DMXL2: variants seen among roughly 807,000 people sequenced by gnomAD.
DMXL2 encodes Dmx like 2, also known as dmX-like protein 2.
DMXL2 carries 103 observed loss-of-function variants against 331.1 expected under a neutral mutation model. That is an observed-to-expected ratio of 0.31 (90% CI 0.27 to 0.37). DMXL2 has a LOEUF of 0.37. DMXL2 is among the 10% of genes least tolerant of loss of function. DMXL2 has a pLI of 1.00. For synonymous variants in DMXL2, 1,281 were observed against 1,252.1 expected (o/e 1.02, Z -0.49); for missense variants, 3,171 against 3,642.9 (o/e 0.87, Z 3.33).
chr15:51,558,201 C>T (rs2049724416), intron 6 of DMXL2, among the ~76,000 whole-genome samples: 3 of 152,078 alleles, frequency 2.0e-5, no homozygotes, highest in Admixed American at 2.0e-4. Context: ...ACACGGGTTC[C>T]CAGAGGACCC....
intron 16 of DMXL2, among the ~76,000 whole-genome samples, chr15:51,504,920 A>G (rs1333684655): frequency 6.6e-6 from 1 of 152,220 alleles, no homozygotes; most frequent in Non-Finnish European, 1.5e-5. Flanking sequence ...AGAAAATAAG[A>G]GCAGGAAAAA....
rs2038871903 is a variant in DMXL2 at position 51,448,606 on chromosome 15, C to T, written c.*378G>A. On this transcript the variant is annotated 3_prime_UTR_variant, in exon 44 of 44. Coordinates refer to ENST00000560891, the MANE Select transcript of DMXL2 (RefSeq NM_001378457.1). ...AGAGGAGGAGACTGCAGGCATGCTT[C>T]AGTCAGTGGTAAGAACAGGAAGAAA... The T allele has an allele frequency of 1.8e-5, 5 of 272,268 alleles. No individual in the cohort carries two copies. In the South Asian group the frequency reaches 2.1e-4, roughly 12 times the overall value. 16.9% of individuals were successfully genotyped at this position (272,268 alleles called of 1,614,324 possible). A position where few individuals can be genotyped will look rare whatever the true frequency, so the allele number is the denominator to read the frequency against.
intron 1 of DMXL2, among the ~76,000 whole-genome samples, chr15:51,594,043 G>T (rs1281955893): frequency 3.3e-5 from 5 of 152,172 alleles, no homozygotes; most frequent in Non-Finnish European, 7.3e-5. Context: ...AAAGCTAGCA[G>T]AAGGCAAGAA....
chr15:51,487,956 C>G lies in DMXL2; in HGVS notation c.5215G>C (p.Glu1739Gln). The change falls in exon 22 of 44, where the codon GAG becomes CAG. Residue 1739 changes from glutamate (E) to glutamine (Q), a missense_variant and splice_region_variant. Glu to Gln is a conservative substitution (Grantham distance 29). Transcript: ENST00000560891. ...LLAGSLKDAI[E>Q]VCLEKMEDIQ... Reference sequence around the variant, plus strand: ...ATAGTGTGTTTTCTTATTTATACCTCTATGGCATCTTTCAATGAACCAGCT... The same window carrying G: ...ATAGTGTGTTTTCTTATTTATACCTGTATGGCATCTTTCAATGAACCAGCT... 6.2e-7 allele frequency: 1 copy of G among 1,607,248 alleles called. No individual in the cohort carries two copies.
Position 51,538,410 on chromosome 15 carries a change from T to G in DMXL2, c.1148A>C (p.Asp383Ala). The G allele has an allele frequency of 6.2e-7, 1 of 1,612,478 alleles. No individual in the cohort carries two copies. The highest frequency in any genetic ancestry group is 8.5e-7 in the Non-Finnish European group (1 of 1,178,654). The change falls in exon 10 of 44, where the codon GAT becomes GCT. Residue 383 changes from aspartate (D) to alanine (A), a missense_variant. Around this residue, in one of 7 missense-constraint regions of DMXL2, gnomAD observed 1,674 missense variants for 1,780.2 expected, o/e 0.94. Transcript: ENST00000560891. ...VLVGTAFNVD[D>A]GNGGFVVHWL... The stretch of plus-strand genomic sequence containing the variant: ...ATGAACTACAAAGCCCCCATTTCCA[T>G]CATCAACATTAAATGCAGTGCCAAC...
chr15:51,507,811 TAAA>T (rs57858304), intron 15 of DMXL2, among the ~76,000 whole-genome samples: 8 of 141,238 alleles, frequency 5.7e-5, no homozygotes, highest in African/African-American at 2.0e-4. Context: ...AAAACAGCAT[TAAA>T]AAAAAAAAAA....
chr15:51,596,927 G>A (rs1229914034), intron 1 of DMXL2, among the ~76,000 whole-genome samples: 1 of 152,164 alleles, frequency 6.6e-6, no homozygotes, highest in Non-Finnish European at 1.5e-5. Context: ...GTTGTGAGGT[G>A]GGAGGAGGGG....
At chr15:51,548,146 A>C (rs910370499) in intron 6 of DMXL2, among the ~76,000 whole-genome samples, 4 of 151,822 alleles carry the variant, frequency 2.6e-5, no homozygotes, top group Non-Finnish European at 4.4e-5. Context: ...TTAAAGGCTA[A>C]ACAACTGTAT....
chr15:51,567,423 A>G (rs1309777964), intron 3 of DMXL2: 5 of 152,162 alleles, frequency 3.3e-5, no homozygotes, highest in Non-Finnish European at 7.3e-5. Context: ...AACATTTTAC[A>G]TAGTAAACAA....
intron 2 of DMXL2, among the ~76,000 whole-genome samples, chr15:51,575,199 T>C (rs1239784551): frequency 1.3e-5 from 2 of 152,138 alleles, no homozygotes; most frequent in African/African-American, 2.4e-5. Flanking sequence ...GCAGGATAAA[T>C]GGTATGATAA....
Position 51,480,063 on chromosome 15 carries a change from G to T in DMXL2, c.6641C>A (p.Ser2214Ter). ...AGGATTAGCTATGACTGTTTTTGTT[G>T]ACGCAATACTTGCTGAAAGCAGAGG... Reference protein sequence around the residue: ...TLPLLSASIASTKTVIANPVL... With the variant: ...TLPLLSASIA Residue 2214 changes from serine (S) to a stop codon, truncating the protein, a stop_gained, in exon 25 of 44, where the codon TCA (serine) becomes TAA (stop). Transcript: ENST00000560891. LOFTEE classifies it high-confidence loss of function. The T allele has an allele frequency of 6.2e-7, 1 of 1,601,822 alleles. No homozygotes were observed. Among genetic ancestry groups the T allele is most frequent in the Non-Finnish European group, 8.5e-7 (1 of 1,170,626 alleles).
intron 1 of DMXL2, among the ~76,000 whole-genome samples, chr15:51,605,040 T>TAAAA (rs527285284): frequency 8.9e-6 from 1 of 112,974 alleles, no homozygotes. Context: ...TGTTCATATA[T>TAAAA]CAAAAAAAAA....
Position 51,536,664 on chromosome 15 carries a change from A to G in DMXL2, c.1816T>C (p.Leu606=), listed in dbSNP as rs1321465651. The G allele has an allele frequency of 6.2e-7, 1 of 1,614,026 alleles. No homozygotes were observed. The highest frequency in any genetic ancestry group is 2.2e-5 in the East Asian group (1 of 44,898). ...GAGATCATCATTACTGTGGGAGCTA[A>G]GATGTTCATATGTGTACTGTGGGAT... ...SRSHSTHMNI[L]APTVMMISKH... is the part of the protein sequence containing the mutation. Residue 606 remains leucine, a synonymous_variant, in exon 12 of 44, where the codon TTA becomes CTA. Coordinates refer to ENST00000560891, the MANE Select transcript of DMXL2 (RefSeq NM_001378457.1).
At chr15:51,619,401 G>A (rs1472022349) in intron 1 of DMXL2, among the ~76,000 whole-genome samples, 1 of 152,162 alleles carries the variant, frequency 6.6e-6, no homozygotes, top group Non-Finnish European at 1.5e-5. Flanking sequence ...TAAGGAAACA[G>A]CTGTATACTG....
At chr15:51,485,337 C>T (rs2042315399) in intron 23 of DMXL2, among the ~76,000 whole-genome samples, 1 of 152,178 alleles carries the variant, frequency 6.6e-6, no homozygotes, top group South Asian at 2.1e-4. Context: ...AGGATCTCCT[C>T]ATTTTTATTC....
At position 51,499,025 on chromosome 15, in the gene DMXL2, C is replaced by G. The variant is rs1488344697; in HGVS notation, c.4199G>C (p.Ser1400Thr). The G allele has an allele frequency of 6.2e-7, 1 of 1,613,992 alleles. No homozygotes were observed. The highest frequency in any genetic ancestry group is 1.1e-5 in the South Asian group (1 of 91,088). Residue 1400 changes from serine to threonine, a missense_variant, in exon 18 of 44, where the codon AGT (serine) becomes ACT (threonine). Ser to Thr is a moderately conservative substitution (Grantham distance 58). Around this residue, in one of 7 missense-constraint regions of DMXL2, gnomAD observed 1,674 missense variants for 1,780.2 expected, o/e 0.94. Coordinates refer to ENST00000560891, the MANE Select transcript of DMXL2 (RefSeq NM_001378457.1). ...GTKRHLSRTI[S>T]VSGSTAKETV... ...TTCCTTTGCTGTACTGCCACTTACA[C>G]TAATAGTTCGAGAGAGATGTCGCTT...
intron 1 of DMXL2, among the ~76,000 whole-genome samples, chr15:51,582,607 T>A (rs938413946): frequency 6.6e-6 from 1 of 152,180 alleles, no homozygotes; most frequent in Non-Finnish European, 1.5e-5. Context: ...CTTCTCTCCA[T>A]TTTAGTCACC....
At chr15:51,592,007 G>A (rs540199420) in intron 1 of DMXL2, among the ~76,000 whole-genome samples, 6 of 148,672 alleles carry the variant, frequency 4.0e-5, no homozygotes, top group South Asian at 2.2e-4. Flanking sequence ...AAATCAGAGC[G>A]CCTCTCCTCC....
chr15:51,602,811 T>C (rs2053319001), intron 1 of DMXL2, among the ~76,000 whole-genome samples: 1 of 152,178 alleles, frequency 6.6e-6, no homozygotes, highest in Admixed American at 6.5e-5. Context: ...CAGCTCTAAT[T>C]CCTGCTAAAA....
Sources: gnomAD v4.1 joint callset for allele counts (sites outside exome capture counted in the v4.1 genomes callset) on GRCh38, gnomAD v4.1.1 for gene constraint, gnomAD v4.1.1 regional missense constraint, MANE v1.5 for transcripts, NCBI Gene and HGNC (gene_info 2026-07-23, HGNC 2026-07-21) for gene names.